SNTG1: variants seen among roughly 807,000 people sequenced by gnomAD.
The protein encoded by SNTG1 is syntrophin gamma 1, also known as gamma-1-syntrophin.
Under a neutral mutation model 74.7 loss-of-function variants are expected in SNTG1, and 39 were observed. The observed-to-expected ratio is 0.52, with a 90% CI of 0.40 to 0.68. SNTG1 has a LOEUF of 0.68. SNTG1 is among the 30% of genes least tolerant of loss of function. SNTG1 has a pLI of 0.00. For synonymous variants in SNTG1, 254 were observed against 217.1 expected, an observed-to-expected ratio of 1.17 and a Z score of -1.49; for missense variants, 685 against 609.5, an observed-to-expected ratio of 1.12 and a Z score of -1.30.
chr8:50,574,360 A>T (rs1225020300), intron 12 of SNTG1, among the ~76,000 whole-genome samples: 2 of 152,140 alleles, frequency 1.3e-5, no homozygotes, highest in African/African-American at 4.8e-5. Context: ...TTGGAAATAA[A>T]ACATGGAATT....
intron 2 of SNTG1, among the ~76,000 whole-genome samples, chr8:50,222,563 C>T (rs927903421): frequency 6.6e-6 from 1 of 152,174 alleles, no homozygotes. Flanking sequence ...TCCTCCAGTG[C>T]TACAGAATAC....
At chr8:50,788,380 T>G (rs944222881) in intron 18 of SNTG1, among the ~76,000 whole-genome samples, 10 of 152,046 alleles carry the variant, frequency 6.6e-5, no homozygotes, top group African/African-American at 2.4e-4. Flanking sequence ...TGAGTTATGG[T>G]TTAATGATCT....
intron 1 of SNTG1, among the ~76,000 whole-genome samples, chr8:49,914,176 G>A (rs573820450): frequency 1.4e-3 from 217 of 152,126 alleles, no homozygotes; most frequent in Non-Finnish European, 2.7e-3. Context: ...AACAAAAAGG[G>A]GGTAGTGGAA....
chr8:50,304,818 A>G (rs573713276), intron 2 of SNTG1, among the ~76,000 whole-genome samples: 35 of 152,264 alleles, frequency 2.3e-4, no homozygotes, highest in African/African-American at 8.4e-4. Flanking sequence ...TTATGTCGCA[A>G]TCTCTCTTGT....
At chr8:50,525,312 A>G (rs1554559716) in intron 9 of SNTG1, among the ~76,000 whole-genome samples, 1 of 152,028 alleles carries the variant, frequency 6.6e-6, no homozygotes, top group Non-Finnish European at 1.5e-5. Context: ...TTATCTGTTT[A>G]TCTGTGACTT....
intron 5 of SNTG1, among the ~76,000 whole-genome samples, chr8:50,439,415 A>T (rs1302810420): frequency 5.3e-5 from 8 of 152,048 alleles, no homozygotes; most frequent in Non-Finnish European, 7.4e-5. Flanking sequence ...AACACAACTC[A>T]TGTCATATAT....
chr8:50,078,679 A>G (rs1361429086), intron 1 of SNTG1, among the ~76,000 whole-genome samples: 1 of 152,150 alleles, frequency 6.6e-6, no homozygotes, highest in Non-Finnish European at 1.5e-5. Context: ...CCCTGCGTGC[A>G]TTAGGTATTT....
intron 18 of SNTG1, among the ~76,000 whole-genome samples, chr8:50,764,793 T>G (rs1278961080): frequency 6.6e-6 from 1 of 151,972 alleles, no homozygotes; most frequent in Non-Finnish European, 1.5e-5. Context: ...ATGCAAATGA[T>G]TTGAAATAAG....
At chr8:50,635,307 G>A (rs112656799) in intron 13 of SNTG1, among the ~76,000 whole-genome samples, 12 of 152,064 alleles carry the variant, frequency 7.9e-5, no homozygotes, top group African/African-American at 2.2e-4. Context: ...TCCTACATTC[G>A]CTCAAGGCCC....
intron 1 of SNTG1, among the ~76,000 whole-genome samples, chr8:50,149,746 T>A (rs2081998153): frequency 6.6e-6 from 1 of 152,222 alleles, no homozygotes; most frequent in Non-Finnish European, 1.5e-5. Context: ...GTTCCATTGG[T>A]CTATATCTCT....
intron 2 of SNTG1, among the ~76,000 whole-genome samples, chr8:50,181,961 T>G (rs192093329): frequency 2.6e-5 from 4 of 152,194 alleles, no homozygotes; most frequent in Non-Finnish European, 4.4e-5. Context: ...ATAAATGTTG[T>G]GACAGAATAC....
intron 2 of SNTG1, among the ~76,000 whole-genome samples, chr8:50,287,419 T>C (rs2088846111): frequency 6.6e-6 from 1 of 152,166 alleles, no homozygotes; most frequent in Non-Finnish European, 1.5e-5. Flanking sequence ...ATTCCTGAGC[T>C]TTCATGCAAA....
At chr8:50,698,406 C>T (rs1403004504) in intron 15 of SNTG1, among the ~76,000 whole-genome samples, 3 of 152,094 alleles carry the variant, frequency 2.0e-5, no homozygotes, top group Non-Finnish European at 2.9e-5. Context: ...ACACAAGCTG[C>T]CCCAGGCCTT....
chr8:50,272,385 T>C (rs1385324595), intron 2 of SNTG1, among the ~76,000 whole-genome samples: 5 of 152,192 alleles, frequency 3.3e-5, no homozygotes, highest in Non-Finnish European at 1.5e-5. Flanking sequence ...TGCCTGCAAC[T>C]TTCTGTCTTT....
At chr8:50,419,207 A>T (rs2093051014) in intron 4 of SNTG1, among the ~76,000 whole-genome samples, 1 of 152,094 alleles carries the variant, frequency 6.6e-6, no homozygotes, top group African/African-American at 2.4e-5. Context: ...CTAGAAAAAA[A>T]AATGGGCAGC....
chr8:50,506,059 T>G (rs530366093), intron 9 of SNTG1, among the ~76,000 whole-genome samples: 21 of 152,082 alleles, frequency 1.4e-4, no homozygotes, highest in Non-Finnish European at 2.5e-4. Flanking sequence ...AACATTCTTT[T>G]GCATGAGGAT....
intron 1 of SNTG1, among the ~76,000 whole-genome samples, chr8:50,111,273 C>G (rs1025354400): frequency 1.3e-5 from 2 of 152,100 alleles, no homozygotes; most frequent in Admixed American, 1.3e-4. Flanking sequence ...TCTACCCCCC[C>G]AATATAATGG....
intron 1 of SNTG1, among the ~76,000 whole-genome samples, chr8:49,987,102 T>G (rs1207880427): frequency 6.6e-5 from 10 of 152,168 alleles, no homozygotes; most frequent in Non-Finnish European, 8.8e-5. Context: ...TTGAATAACA[T>G]GTTGGTTTCC....
intron 18 of SNTG1, among the ~76,000 whole-genome samples, chr8:50,786,895 A>G (rs1223073413): frequency 1.3e-5 from 2 of 151,812 alleles, no homozygotes; most frequent in Non-Finnish European, 2.9e-5. Flanking sequence ...TGAAGAAAAC[A>G]TGGGATTAAA....
Sources: gnomAD v4.1 joint callset for allele counts (sites outside exome capture counted in the v4.1 genomes callset) on GRCh38, gnomAD v4.1.1 for gene constraint, MANE v1.5 for transcripts, NCBI Gene and HGNC (gene_info 2026-07-23, HGNC 2026-07-21) for gene names.